PKIG: variants seen among roughly 807,000 people sequenced by gnomAD.
PKIG encodes the protein cAMP-dependent protein kinase inhibitor gamma, also known as protein kinase (cAMP-dependent, catalytic) inhibitor gamma.
PKIG carries 1 observed loss-of-function variant against 6.8 expected under a neutral mutation model. The observed-to-expected ratio is 0.15, with a 90% CI of 0.05 to 0.69. The LOEUF (loss-of-function observed/expected upper bound fraction) is 0.69. Among genes scored for constraint, PKIG ranks in the 30% least tolerant of loss-of-function variants. The pLI is 0.82. For synonymous variants in PKIG, 39 were observed against 43.0 expected, an observed-to-expected ratio of 0.91 and a Z score of 0.36; for missense variants, 77 against 104.0, an observed-to-expected ratio of 0.74 and a Z score of 1.13.
chr20:44,601,999 G>A (rs902761710), intron 2 of PKIG, among the ~76,000 whole-genome samples: 1 of 152,172 alleles, frequency 6.6e-6, no homozygotes, highest in African/African-American at 2.4e-5. Flanking sequence ...GCAGGCACCT[G>A]CAGGCACTGT....
rs1177741189 is a variant in PKIG, at chr20:44,618,349, G to A, written c.216G>A (p.Gly72=). The change falls in exon 4 of 4, where the codon GGG becomes GGA. Residue 72 remains glycine (G), a synonymous_variant. Transcript: ENST00000372886. ...EAGNQPQSSD[G]TTSS Reference sequence around the variant, plus strand: ...GCAACCAGCCCCAGAGCAGCGATGGGACCACCTCGTCTTGAATCTGACCTT... The same window carrying A: ...GCAACCAGCCCCAGAGCAGCGATGGAACCACCTCGTCTTGAATCTGACCTT... 2 of 1,611,414 alleles carry A rather than the reference G, an allele frequency of 1.2e-6. No individual in the cohort carries two copies. Among genetic ancestry groups the A allele is most frequent in the African/African-American group, 1.3e-5 (1 of 74,866 alleles).
intron 1 of PKIG, among the ~76,000 whole-genome samples, chr20:44,541,330 C>A (rs1226635338): frequency 6.6e-6 from 1 of 152,120 alleles, no homozygotes; most frequent in Non-Finnish European, 1.5e-5. Context: ...TTCTGTCACC[C>A]AGGCTGGAGT....
intron 2 of PKIG, among the ~76,000 whole-genome samples, chr20:44,613,623 A>T (rs2065238504): frequency 6.6e-6 from 1 of 152,058 alleles, no homozygotes; most frequent in Admixed American, 6.5e-5. Flanking sequence ...AACCTAAATT[A>T]CCTGTCAATC....
At chr20:44,546,742 G>A (rs1207382992) in intron 1 of PKIG, among the ~76,000 whole-genome samples, 4 of 150,266 alleles carry the variant, frequency 2.7e-5, no homozygotes, top group Admixed American at 2.0e-4. Flanking sequence ...TAGTAGAAAC[G>A]GGGTTTCACC....
intron 1 of PKIG, among the ~76,000 whole-genome samples, chr20:44,576,112 T>C (rs952955899): frequency 2.0e-5 from 3 of 152,012 alleles, no homozygotes; most frequent in Non-Finnish European, 4.4e-5. Context: ...CGTGGTGCTT[T>C]TTACAAAAAG....
At chr20:44,604,326 A>G (rs1031422222) in intron 2 of PKIG, among the ~76,000 whole-genome samples, 1 of 152,168 alleles carries the variant, frequency 6.6e-6, no homozygotes, top group Non-Finnish European at 1.5e-5. Context: ...AATGAGAGAG[A>G]GTCCTGGAGG....
chr20:44,569,459 A>C (rs1416551487), intron 1 of PKIG, among the ~76,000 whole-genome samples: 1 of 152,226 alleles, frequency 6.6e-6, no homozygotes, highest in South Asian at 2.1e-4. Flanking sequence ...AGTAAAAAAA[A>C]TCCCCACTTG....
chr20:44,593,563 AAG>A (rs1423696973), intron 2 of PKIG, among the ~76,000 whole-genome samples: 1 of 152,182 alleles, frequency 6.6e-6, no homozygotes, highest in Non-Finnish European at 1.5e-5. Flanking sequence ...GAGTTGAACT[AAG>A]AGAGAGTAGA....
upstream of PKIG, among the ~76,000 whole-genome samples, chr20:44,581,943 A>G (rs544712509): frequency 1.3e-5 from 2 of 152,330 alleles, no homozygotes; most frequent in Admixed American, 6.5e-5. Context: ...TTTTGTTGAT[A>G]GGGAAACTGA....
At chr20:44,537,264 C>T (rs1440643998) in intron 1 of PKIG, among the ~76,000 whole-genome samples, 1 of 152,102 alleles carries the variant, frequency 6.6e-6, no homozygotes, top group Non-Finnish European at 1.5e-5. Flanking sequence ...GCCACCACGC[C>T]CGGCTAATTT....
At chr20:44,559,397 CCTTTTGGCTTTGAGTAA>C (rs1478604783) in intron 1 of PKIG, among the ~76,000 whole-genome samples, 2 of 152,258 alleles carry the variant, frequency 1.3e-5, no homozygotes, top group Non-Finnish European at 2.9e-5. Flanking sequence ...CACTTACAAA[CCTTTTGGCTTTGAGTAA>C]CAGAAGCAGG....
chr20:44,546,163 C>T (rs1416220933), intron 1 of PKIG, among the ~76,000 whole-genome samples: 9 of 152,046 alleles, frequency 5.9e-5, no homozygotes, highest in Non-Finnish European at 7.4e-5. Context: ...GTGGGAGAAT[C>T]ACCTGAGCCC....
At chr20:44,605,034 A>AT in intron 2 of PKIG, among the ~76,000 whole-genome samples, 1 of 152,324 alleles carries the variant, frequency 6.6e-6, no homozygotes, top group South Asian at 2.1e-4. Context: ...GTCAAAAAAG[A>AT]TTTGAGCTAT....
chr20:44,572,624 T>C (rs1275238759), intron 1 of PKIG, among the ~76,000 whole-genome samples: 1 of 152,180 alleles, frequency 6.6e-6, no homozygotes, highest in Non-Finnish European at 1.5e-5. Flanking sequence ...CACCACTTAC[T>C]TGAAGCCCAG....
At chr20:44,588,810 G>A (rs910597324) in intron 1 of PKIG, among the ~76,000 whole-genome samples, 1 of 152,108 alleles carries the variant, frequency 6.6e-6, no homozygotes, top group Non-Finnish European at 1.5e-5. Flanking sequence ...GTCTGTGAAT[G>A]GTAAACTTGC....
intron 3 of PKIG, among the ~76,000 whole-genome samples, chr20:44,615,530 C>G (rs2065256742): frequency 6.6e-6 from 1 of 152,126 alleles, no homozygotes; most frequent in African/African-American, 2.4e-5. Context: ...CTCCATTCCC[C>G]CAGAGAACCC....
intron 3 of PKIG, among the ~76,000 whole-genome samples, chr20:44,617,424 T>C (rs1259151612): frequency 6.6e-6 from 1 of 152,116 alleles, no homozygotes; most frequent in Non-Finnish European, 1.5e-5. Flanking sequence ...GCATGGAGAC[T>C]GGGGCCTGGG....
rs142657542 is a variant in PKIG, at chr20:44,540,833, C to T, written c.-241+8855C>T. ...TTGACCTCAGGTGATCCACCTGCCT[C>T]GGCCTCCCCAAGTACTGGGATTACA... On this transcript the variant is annotated intron_variant, in intron 1 of 4. Transcript: ENST00000372887. 3.3e-5 allele frequency among the ~76,000 whole-genome samples: 5 copies of T among 152,308 alleles called. 1 individual carries two copies. The highest frequency in any genetic ancestry group is 1.9e-4 in the East Asian group (1 of 5,188).
At chr20:44,536,455 G>A (rs2064513156) in intron 1 of PKIG, among the ~76,000 whole-genome samples, 1 of 152,160 alleles carries the variant, frequency 6.6e-6, no homozygotes, top group Non-Finnish European at 1.5e-5. Context: ...CAGCGGAAAG[G>A]GAAAGGAGAG....
Sources: gnomAD v4.1 joint callset for allele counts (sites outside exome capture counted in the v4.1 genomes callset) on GRCh38, gnomAD v4.1.1 for gene constraint, MANE v1.5 for transcripts, NCBI Gene and HGNC (gene_info 2026-07-23, HGNC 2026-07-21) for gene names.